The following LRIG1 variants were observed in gnomAD, a reference collection of about 807,000 sequenced individuals.
LRIG1 encodes leucine-rich repeats and immunoglobulin-like domains protein 1.
In LRIG1, 48 loss-of-function variants were observed where a neutral mutation model predicts 99.2. The observed-to-expected ratio is 0.48, with a 90% CI of 0.38 to 0.62. LRIG1 has a LOEUF of 0.62. LRIG1 is among the 20% of genes least tolerant of loss of function. The pLI is 0.00. For missense variants in LRIG1, 1,646 were observed against 1,434.4 expected (o/e 1.15, Z -2.38); for synonymous variants, 772 against 596.1 (o/e 1.29, Z -4.30).
intron 5 of LRIG1, 44 bp downstream of exon 5, chr3:66,414,876 A>G (rs1452269247): frequency 1.5e-5 from 23 of 1,508,060 alleles, no homozygotes; most frequent in East Asian, 1.2e-4. Context: ...TGGCCTCCAT[A>G]AAGTTTGGCT....
chr3:66,491,182 A>T (rs1701093401), intron 1 of LRIG1, among the ~76,000 whole-genome samples: 1 of 152,246 alleles, frequency 6.6e-6, no homozygotes. Flanking sequence ...CTGGAGGGTC[A>T]GGCCTTACAA....
chr3:66,418,997 C>T (rs2106702400), intron 3 of LRIG1, among the ~76,000 whole-genome samples: 2 of 151,968 alleles, frequency 1.3e-5, no homozygotes, highest in Non-Finnish European at 2.9e-5. Flanking sequence ...TTTTCTGGCT[C>T]CAAAGGAAAA....
At chr3:66,485,111 T>C (rs1265451554) in intron 1 of LRIG1, among the ~76,000 whole-genome samples, 6 of 144,444 alleles carry the variant, frequency 4.2e-5, no homozygotes, top group African/African-American at 1.6e-4. Context: ...TGAGTCAAGA[T>C]CACACCACTG....
intron 7 of LRIG1, among the ~76,000 whole-genome samples, chr3:66,409,411 C>A (rs554984044): frequency 2.6e-5 from 4 of 152,210 alleles, no homozygotes; most frequent in Admixed American, 2.0e-4. Flanking sequence ...GCTACCCAGG[C>A]GACAGTCTGT....
intron 8 of LRIG1, chr3:66,405,743 G>C: frequency 8.9e-7 from 1 of 1,119,590 alleles, no homozygotes; most frequent in African/African-American, 1.6e-5. Context: ...GCCCGTGGGC[G>C]CCTCCGTACC....
At chr3:66,477,709 T>C (rs1700753634) in intron 1 of LRIG1, among the ~76,000 whole-genome samples, 1 of 152,168 alleles carries the variant, frequency 6.6e-6, no homozygotes, top group African/African-American at 2.4e-5. Flanking sequence ...CTTAAGTTCA[T>C]TCTCTCATTT....
At chr3:66,417,497 C>T (rs1054986086) in intron 3 of LRIG1, 5 of 515,288 alleles carry the variant, frequency 9.7e-6, no homozygotes, top group African/African-American at 9.6e-5. Context: ...CCCTAGGCTT[C>T]CCTCTCCAAG....
At chr3:66,435,188 A>C (rs1216880297) in intron 3 of LRIG1, among the ~76,000 whole-genome samples, 1 of 152,222 alleles carries the variant, frequency 6.6e-6, no homozygotes, top group Non-Finnish European at 1.5e-5. Context: ...CAATCCCAAA[A>C]GGTTATCCAT....
intron 2 of LRIG1, among the ~76,000 whole-genome samples, chr3:66,460,099 C>T (rs1700322620): frequency 6.6e-6 from 1 of 152,020 alleles, no homozygotes; most frequent in African/African-American, 2.4e-5. Flanking sequence ...CCTCACTTGC[C>T]CCTCCCCAGT....
intron 15 of LRIG1, 117 bp from the exon 16 acceptor site, chr3:66,382,515 A>T (rs1575642098): frequency 5.9e-6 from 7 of 1,192,060 alleles, no homozygotes; most frequent in African/African-American, 3.1e-5. Context: ...AGCGCTGTGC[A>T]GAGAGATGAC....
chr3:66,493,413 T>G (rs543746606), intron 1 of LRIG1, among the ~76,000 whole-genome samples: 1 of 152,336 alleles, frequency 6.6e-6, no homozygotes, highest in African/African-American at 2.4e-5. Context: ...AATTATATAA[T>G]CTGTTGCAAC....
intron 1 of LRIG1, among the ~76,000 whole-genome samples, chr3:66,481,665 T>G (rs904297687): frequency 6.6e-6 from 1 of 152,218 alleles, no homozygotes; most frequent in Non-Finnish European, 1.5e-5. Flanking sequence ...TTTCTTTCCC[T>G]TAATCCTTTC....
At chr3:66,397,449 A>T (rs1008583033) in intron 11 of LRIG1, among the ~76,000 whole-genome samples, 1 of 10,598 alleles carries the variant, frequency 9.4e-5, no homozygotes, top group Non-Finnish European at 1.4e-3. Context: ...ATGTCTAGCT[A>T]AAAAAAAAAA....
intron 3 of LRIG1, among the ~76,000 whole-genome samples, chr3:66,426,637 G>A (rs758450073): frequency 7.9e-5 from 12 of 152,276 alleles, no homozygotes; most frequent in Non-Finnish European, 1.2e-4. Context: ...AAGTGAAATG[G>A]AACATAAGTC....
intron 3 of LRIG1, among the ~76,000 whole-genome samples, chr3:66,432,118 T>C (rs1286769317): frequency 6.6e-6 from 1 of 152,114 alleles, no homozygotes; most frequent in Admixed American, 6.5e-5. Flanking sequence ...GAGAGCTGTG[T>C]AGGGTTGGTA....
At chr3:66,418,433 T>C (rs980025420) in intron 3 of LRIG1, among the ~76,000 whole-genome samples, 2 of 152,164 alleles carry the variant, frequency 1.3e-5, no homozygotes, top group African/African-American at 4.8e-5. Flanking sequence ...ACCCACTATA[T>C]AAACAAGCAA....
intron 1 of LRIG1, among the ~76,000 whole-genome samples, chr3:66,489,771 G>C (rs566088662): frequency 6.6e-6 from 1 of 152,164 alleles, no homozygotes; most frequent in Non-Finnish European, 1.5e-5. Flanking sequence ...TGGCAGAGCT[G>C]GGACGAAACC....
chr3:66,404,310 C>T, intron 9 of LRIG1: 1 of 1,288,940 alleles, frequency 7.8e-7, no homozygotes. Context: ...CTGCTGAGCT[C>T]CCCGTCACTG....
chr3:66,500,381 G>C lies in LRIG1; in HGVS notation c.27C>G (p.Leu9=). The C allele has an allele frequency of 6.8e-7, 1 of 1,470,726 alleles. No homozygotes were observed. The highest frequency in any genetic ancestry group is 8.9e-7 in the Non-Finnish European group (1 of 1,118,416). The allele number at this position is 1,470,726 out of a possible 1,614,324, so 91.1% of individuals were successfully genotyped here. A position where few individuals can be genotyped will look rare whatever the true frequency, so the allele number is the denominator to read the frequency against. Reference sequence around the variant, plus strand: ...GGCAAGGCGAGCGGCGCGGGGCCCCGAGCCCTCCCCGGACCGGCCGCGCCA... The same window carrying C: ...GGCAAGGCGAGCGGCGCGGGGCCCCCAGCCCTCCCCGGACCGGCCGCGCCA... The part of the protein sequence containing the change: MARPVRGG[L]GAPRRSPCLL... The change falls in exon 1 of 19, where the codon CTC becomes CTG. Residue 9 remains leucine, a synonymous_variant. Coordinates refer to ENST00000273261, the MANE Select transcript of LRIG1 (RefSeq NM_015541.3).
Sources: allele counts gnomAD v4.1 joint callset (sites outside exome capture counted in the v4.1 genomes callset), GRCh38; gene constraint gnomAD v4.1.1; transcripts MANE v1.5; gene names NCBI Gene and HGNC (gene_info 2026-07-23, HGNC 2026-07-21).